The following SLC35G1 variants were observed in gnomAD, a reference collection of about 807,000 sequenced individuals.
The protein encoded by SLC35G1 is partner of STIM1.
In SLC35G1, 10 loss-of-function variants were observed where a neutral mutation model predicts 17.1. The observed-to-expected ratio is 0.59, with a 90% confidence interval of 0.36 to 0.99. SLC35G1 has a LOEUF of 0.99. Among genes scored for constraint, SLC35G1 ranks in the 50% least tolerant of loss-of-function variants. SLC35G1 has a pLI of 0.01. For missense variants in SLC35G1, 433 were observed against 468.4 expected, an observed-to-expected ratio of 0.92 and a Z score of 0.70; for synonymous variants, 185 against 181.1, an observed-to-expected ratio of 1.02 and a Z score of -0.18.
chr10:93,904,756 T>C (rs2060417749), downstream of SLC35G1, among the ~76,000 whole-genome samples: 1 of 152,204 alleles, frequency 6.6e-6, no homozygotes, highest in South Asian at 2.1e-4. Context: ...CAGTCCCTCT[T>C]GCAAATGAGT....
downstream of SLC35G1, chr10:93,907,078 A>G (rs2060433661): frequency 2.0e-5 from 3 of 152,198 alleles, no homozygotes; most frequent in African/African-American, 7.2e-5. Context: ...ATATTAACAT[A>G]TAATTACATT....
chr10:93,898,193 G>A (rs1233339414), intron 1 of SLC35G1, among the ~76,000 whole-genome samples: 1 of 152,312 alleles, frequency 6.6e-6, no homozygotes, highest in Non-Finnish European at 1.5e-5. Context: ...AATTTCGCCA[G>A]TGAGGTGTGG....
downstream of SLC35G1, chr10:93,908,195 T>G (rs1181705352): frequency 6.6e-6 from 1 of 152,244 alleles, no homozygotes; most frequent in Non-Finnish European, 1.5e-5. Context: ...CAATTTTTAC[T>G]TGGAAAGGAC....
intron 1 of SLC35G1, among the ~76,000 whole-genome samples, chr10:93,895,884 C>T (rs772032985): frequency 2.6e-5 from 4 of 152,130 alleles, no homozygotes; most frequent in Admixed American, 2.6e-4. Context: ...GCCTCACATC[C>T]TCTGGAGGGA....
Position 93,901,421 on chromosome 10 carries a change from T to C in SLC35G1, c.1029T>C (p.Gly343=). 1 of 1,613,986 alleles carries C rather than the reference T, an allele frequency of 6.2e-7. No homozygotes were observed. Among genetic ancestry groups the C allele is most frequent in the Non-Finnish European group, 8.5e-7 (1 of 1,179,950 alleles). The change falls in exon 3 of 3, where the codon GGT becomes GGC. Residue 343 remains glycine (G), a synonymous_variant. Transcript: ENST00000427197. ...ATGTGCCAACGTGGTGGACAGTGGG[T>C]GGTGCTCTCTGCGTAGTAGCCAGTA... ...FNNVPTWWTV[G]GALCVVASNV...
chr10:93,900,605 A>T (rs2060373525), intron 2 of SLC35G1, 147 bp from the exon 3 acceptor site: 1 of 715,040 alleles, frequency 1.4e-6, no homozygotes, highest in Admixed American at 3.5e-5. Context: ...AAAAGTATAT[A>T]ATATTCATTT....
rs201957564 is a variant in SLC35G1, at chr10:93,894,188, C to T, written c.155C>T (p.Pro52Leu). 20 of 1,437,426 alleles carry T rather than the reference C, an allele frequency of 1.4e-5. No homozygotes were observed. The highest frequency in any genetic ancestry group is 7.0e-5 in the South Asian group (5 of 71,104). The allele number at this position is 1,437,426 out of a possible 1,614,324, so 89.0% of individuals were successfully genotyped here. The change falls in exon 1 of 3, where the codon CCG becomes CTG. Residue 52 changes from proline to leucine, a missense_variant. Physicochemically the swap from Pro to Leu is moderately conservative, Grantham distance 98. Coordinates refer to ENST00000427197, the MANE Select transcript of SLC35G1 (RefSeq NM_001134658.3). ...AGGTGCTGGCTCTGCCTTTCCTCGCCGTGTTGCTCCCGCACCGAGCCGGGT... is the reference window on the plus strand; with the variant it reads ...AGGTGCTGGCTCTGCCTTTCCTCGCTGTGTTGCTCCCGCACCGAGCCGGGT... ...RGRCWLCLSS[P>L]CCSRTEPEAK... is the part of the protein sequence containing the mutation.
At chr10:93,895,444 G>A (rs771390007) in intron 1 of SLC35G1, among the ~76,000 whole-genome samples, 2 of 152,132 alleles carry the variant, frequency 1.3e-5, no homozygotes, top group Non-Finnish European at 2.9e-5. Context: ...GTGGCATGCC[G>A]AATCAGTCCA....
At chr10:93,904,415 C>T (rs190196689), downstream of SLC35G1, among the ~76,000 whole-genome samples, 1 of 152,330 alleles carries the variant, frequency 6.6e-6, no homozygotes, top group African/African-American at 2.4e-5. Context: ...TCTGGCCCTA[C>T]TCCCACTTCT....
intron 1 of SLC35G1, among the ~76,000 whole-genome samples, chr10:93,896,356 G>C (rs1386170354): frequency 1.3e-5 from 2 of 152,226 alleles, no homozygotes; most frequent in African/African-American, 4.8e-5. Flanking sequence ...CGAATCACCA[G>C]CTGAAAGCAG....
chr10:93,903,654 C>T lies in SLC35G1; in HGVS notation c.*2164C>T, dbSNP rs1280460517. 2 of 152,072 alleles carry T rather than the reference C, an allele frequency of 1.3e-5. No individual in the cohort carries two copies. The highest frequency in any genetic ancestry group is 2.9e-5 in the Non-Finnish European group (2 of 68,024). The allele number at this position is 152,072 out of a possible 1,614,324, so 9.4% of individuals were successfully genotyped here. A position where few individuals can be genotyped will look rare whatever the true frequency, so the allele number is the denominator to read the frequency against. Reference sequence around the variant, plus strand: ...GGTTAGAGAAAATGTTTCTTCTAGCCCTTACAGGGTGTGATTCTTAAACAC... The same window carrying T: ...GGTTAGAGAAAATGTTTCTTCTAGCTCTTACAGGGTGTGATTCTTAAACAC... On this transcript the variant is annotated 3_prime_UTR_variant, in exon 3 of 3. Coordinates refer to ENST00000427197, the MANE Select transcript of SLC35G1 (RefSeq NM_001134658.3).
Position 93,896,858 on chromosome 10 carries a change from G to A in SLC35G1, c.179-1713G>A, listed in dbSNP as rs779966854. Among the ~76,000 whole-genome samples the A allele has an allele frequency of 4.6e-5, 7 of 152,144 alleles. 1 individual carries two copies. Among genetic ancestry groups the A allele is most frequent in the Non-Finnish European group, 1.0e-4 (7 of 68,030 alleles). On this transcript the variant is annotated intron_variant, in intron 1 of 2. Transcript: ENST00000427197. ...GATACTTGAAACAGAGCAGGGAGAT[G>A]TTTTCTGTCCTTGATCTTCTCGGTC...
In SLC35G1 at chr10:93,901,513, T is replaced by C. The variant is rs78934410; in HGVS notation, c.*23T>C. 839 of 1,556,104 alleles carry C rather than the reference T, an allele frequency of 5.4e-4. 10 individuals are homozygous for C. In the East Asian group the frequency reaches 0.019, roughly 35 times the overall value. On this transcript the variant is annotated 3_prime_UTR_variant, in exon 3 of 3. Coordinates refer to ENST00000427197, the MANE Select transcript of SLC35G1 (RefSeq NM_001134658.3). ...TGAAGCATCATTGCTGAAATACATATTTTTTTCAAGTACACCATCACCTAA... is the reference window on the plus strand; with the variant it reads ...TGAAGCATCATTGCTGAAATACATACTTTTTTCAAGTACACCATCACCTAA...
Position 93,901,382 on chromosome 10 carries a change from T to G in SLC35G1, c.990T>G (p.Ile330Met). 1 of 1,614,130 alleles carries G rather than the reference T, an allele frequency of 6.2e-7. No homozygotes were observed. Among genetic ancestry groups the G allele is most frequent in the Non-Finnish European group, 8.5e-7 (1 of 1,179,972 alleles). The change falls in exon 3 of 3, where the codon ATT (isoleucine) becomes ATG (methionine). Residue 330 changes from isoleucine (I) to methionine (M), a missense_variant. Physicochemically the swap from Ile to Met is conservative, Grantham distance 10. Transcript: ENST00000427197. ...TGGTCTTTGCTTTTATCTTTCAGAT[T>G]ATTTTCTTTAATAATGTGCCAACGT... is the stretch of plus-strand genomic sequence containing the variant. The part of the protein sequence containing the change: ...MDVVFAFIFQ[I>M]IFFNNVPTWW...
At chr10:93,895,419 G>A (rs1589798702) in intron 1 of SLC35G1, among the ~76,000 whole-genome samples, 2 of 152,172 alleles carry the variant, frequency 1.3e-5, no homozygotes, top group Admixed American at 1.3e-4. Flanking sequence ...CACCCTCTGG[G>A]TGAATGTCCT....
intron 1 of SLC35G1, among the ~76,000 whole-genome samples, chr10:93,897,021 C>T (rs1318364448): frequency 6.6e-6 from 1 of 152,178 alleles, no homozygotes; most frequent in Non-Finnish European, 1.5e-5. Context: ...TTTTGTGGTG[C>T]TTCACTTGGA....
Position 93,901,098 on chromosome 10 carries a change from G to T in SLC35G1, c.706G>T (p.Ala236Ser), listed in dbSNP as rs1469568725. 2 of 1,614,104 alleles carry T rather than the reference G, an allele frequency of 1.2e-6. No homozygotes were observed. Among genetic ancestry groups the T allele is most frequent in the Middle Eastern group, 1.6e-4 (1 of 6,062 alleles). ...AGCAATTGGAAGTGCCGTATTTGCT[G>T]CATCGACTCTAGTTATCCTAAGAAA... ...FAAIGSAVFA[A>S]STLVILRKMG... Residue 236 changes from alanine (A) to serine (S), a missense_variant, in exon 3 of 3, where the codon GCA becomes TCA. Transcript: ENST00000427197.
Position 93,903,418 on chromosome 10 carries a change from T to C in SLC35G1, c.*1928T>C, listed in dbSNP as rs1310889640. The C allele has an allele frequency of 1.3e-5, 2 of 152,200 alleles. No individual in the cohort carries two copies. Among genetic ancestry groups the C allele is most frequent in the Non-Finnish European group, 2.9e-5 (2 of 68,046 alleles). 9.4% of individuals were successfully genotyped at this position (152,200 alleles called of 1,614,324 possible). ...AATTTCCATGGCCTTCCTCCCTTCC[T>C]TAGTTCCATGATAAAGTATGGACAG... On this transcript the variant is annotated 3_prime_UTR_variant, in exon 3 of 3. Coordinates refer to ENST00000427197, the MANE Select transcript of SLC35G1 (RefSeq NM_001134658.3).
chr10:93,905,504 A>T (rs2060422959), downstream of SLC35G1, among the ~76,000 whole-genome samples: 1 of 152,134 alleles, frequency 6.6e-6, no homozygotes, highest in South Asian at 2.1e-4. Flanking sequence ...AGCCTCTTTG[A>T]ACATTAAGTT....
Sources: allele counts gnomAD v4.1 joint callset (sites outside exome capture counted in the v4.1 genomes callset), GRCh38; gene constraint gnomAD v4.1.1; transcripts MANE v1.5; gene names NCBI Gene and HGNC (gene_info 2026-07-23, HGNC 2026-07-21).